SMYD3: variants seen among roughly 807,000 people sequenced by gnomAD.
SMYD3 encodes histone-lysine N-methyltransferase SMYD3.
Under a neutral mutation model 57.7 loss-of-function variants are expected in SMYD3, and 36 were observed. The ratio of observed to expected loss-of-function variants is 0.62; its 90% CI spans 0.48 to 0.82. The LOEUF (loss-of-function observed/expected upper bound fraction) is 0.82, where lower values mean the gene tolerates loss of function less well. Among genes scored for constraint, SMYD3 ranks in the 40% least tolerant of loss-of-function variants. The pLI, the probability that SMYD3 is intolerant of heterozygous loss-of-function variation, is 0.00. For synonymous variants in SMYD3, 211 were observed against 195.0 expected (o/e 1.08, Z -0.68); for missense variants, 515 against 538.8 (o/e 0.96, Z 0.44).
chr1:246,294,337 A>G (rs2064753702), intron 5 of SMYD3, among the ~76,000 whole-genome samples: 1 of 152,196 alleles, frequency 6.6e-6, no homozygotes, highest in South Asian at 2.1e-4. Flanking sequence ...TAGCTTTAGC[A>G]AATTCTAATT....
intron 5 of SMYD3, among the ~76,000 whole-genome samples, chr1:246,120,315 C>A (rs2061406319): frequency 6.6e-6 from 1 of 152,028 alleles, no homozygotes; most frequent in South Asian, 2.1e-4. Context: ...TGTCCGGAAC[C>A]CCATCACTTA....
chr1:246,417,819 A>G (rs2102993689), intron 1 of SMYD3, among the ~76,000 whole-genome samples: 1 of 152,262 alleles, frequency 6.6e-6, no homozygotes, highest in East Asian at 1.9e-4. Flanking sequence ...TAGTTTTACA[A>G]ATGCAGTTTC....
At chr1:245,915,882 T>A (rs2055376111) in intron 7 of SMYD3, among the ~76,000 whole-genome samples, 1 of 152,324 alleles carries the variant, frequency 6.6e-6, no homozygotes, top group East Asian at 1.9e-4. Flanking sequence ...AAAGAACGGG[T>A]CTTATGATCT....
intron 5 of SMYD3, among the ~76,000 whole-genome samples, chr1:245,947,237 G>A (rs899211925): frequency 6.6e-6 from 1 of 152,200 alleles, no homozygotes; most frequent in African/African-American, 2.4e-5. Context: ...CCTAAGGCAG[G>A]CTGCAAAGAT....
chr1:246,444,271 A>G (rs557353884), intron 1 of SMYD3, among the ~76,000 whole-genome samples: 15 of 147,680 alleles, frequency 1.0e-4, no homozygotes, highest in East Asian at 9.7e-4. Flanking sequence ...GATTACAGGC[A>G]TGTGCCACCA....
intron 8 of SMYD3, among the ~76,000 whole-genome samples, chr1:245,913,810 G>A (rs1490373624): frequency 1.3e-5 from 2 of 151,888 alleles, no homozygotes; most frequent in Non-Finnish European, 2.9e-5. Context: ...TTCAAAAGAG[G>A]GCAAAGGATC....
intron 1 of SMYD3, among the ~76,000 whole-genome samples, chr1:246,406,526 G>A (rs1424829126): frequency 6.6e-6 from 1 of 152,128 alleles, no homozygotes; most frequent in Non-Finnish European, 1.5e-5. Flanking sequence ...CCTTTAAAAA[G>A]CTTGTCCTTG....
chr1:246,499,303 C>CA (rs1286768062), intron 1 of SMYD3, among the ~76,000 whole-genome samples: 2 of 150,868 alleles, frequency 1.3e-5, no homozygotes, highest in Non-Finnish European at 3.0e-5. Context: ...GACTCTATCT[C>CA]AAAAAAAGAA....
intron 1 of SMYD3, among the ~76,000 whole-genome samples, chr1:246,368,892 G>A (rs543884791): frequency 3.3e-5 from 5 of 152,210 alleles, no homozygotes; most frequent in South Asian, 2.1e-4. Context: ...TTGCTCCTCC[G>A]CCTGCAGATG....
chr1:246,135,170 T>C (rs907968174), intron 5 of SMYD3, among the ~76,000 whole-genome samples: 2 of 152,134 alleles, frequency 1.3e-5, no homozygotes, highest in African/African-American at 4.8e-5. Context: ...GATTCAGTCA[T>C]CTACCTGAAA....
chr1:246,033,270 T>C (rs1014380592), intron 5 of SMYD3, among the ~76,000 whole-genome samples: 11 of 152,112 alleles, frequency 7.2e-5, no homozygotes, highest in Non-Finnish European at 1.5e-4. Context: ...TGGAGAGTTA[T>C]TATCCTAAGT....
intron 7 of SMYD3, among the ~76,000 whole-genome samples, chr1:245,926,854 C>A (rs541434303): frequency 2.0e-4 from 30 of 152,056 alleles, no homozygotes; most frequent in Non-Finnish European, 4.4e-4. Flanking sequence ...AAGTCCTTTG[C>A]GGCCCCAGAA....
chr1:246,101,063 G>GTTT lies in SMYD3; in HGVS notation c.532-171127_532-171126insAAA, dbSNP rs1558228762. ...ATCACTAGTAATATGTATTTTTAGGGGTTTTTTGTTTTTTTTTTTTTTTTT... is the reference window on the plus strand; with the variant it reads ...ATCACTAGTAATATGTATTTTTAGGGTTTGTTTTTTGTTTTTTTTTTTTTTTTT... On this transcript the variant is annotated intron_variant, in intron 5 of 11. Coordinates refer to ENST00000490107, the MANE Select transcript of SMYD3 (RefSeq NM_001167740.2). Among the ~76,000 whole-genome samples the GTTT allele has an allele frequency of 6.2e-4, 58 of 92,986 alleles. 1 individual carries two copies. The highest frequency in any genetic ancestry group is 9.5e-4 in the Non-Finnish European group (37 of 39,064). The allele number at this position is 92,986 out of a possible 152,430, so 61.0% of individuals were successfully genotyped here.
chr1:246,043,007 CA>C (rs2059903957), intron 5 of SMYD3, among the ~76,000 whole-genome samples: 1 of 152,224 alleles, frequency 6.6e-6, no homozygotes, highest in East Asian at 1.9e-4. Flanking sequence ...ACACAATTTC[CA>C]GAACACACTG....
intron 2 of SMYD3, among the ~76,000 whole-genome samples, chr1:246,353,126 A>C (rs2065858222): frequency 6.6e-6 from 1 of 152,226 alleles, no homozygotes; most frequent in Admixed American, 6.5e-5. Flanking sequence ...TGTTGGTAAC[A>C]ATCTTACATA....
At chr1:246,273,138 T>TTTTTA in intron 5 of SMYD3, among the ~76,000 whole-genome samples, 1 of 126,732 alleles carries the variant, frequency 7.9e-6, no homozygotes, top group East Asian at 2.3e-4. Flanking sequence ...CTGTTTTCTT[T>TTTTTA]TTTTTTTTTT....
intron 1 of SMYD3, among the ~76,000 whole-genome samples, chr1:246,479,081 C>T (rs2068068579): frequency 6.6e-6 from 1 of 151,612 alleles, no homozygotes; most frequent in African/African-American, 2.4e-5. Context: ...TGTCCTGGAG[C>T]TGGTACATAA....
intron 1 of SMYD3, among the ~76,000 whole-genome samples, chr1:246,409,726 G>C (rs559502009): frequency 1.5e-4 from 23 of 152,304 alleles, no homozygotes; most frequent in Admixed American, 1.4e-3. Context: ...GTCATTGGTA[G>C]CTTGATGGGG....
chr1:246,155,044 G>A (rs1159446469), intron 5 of SMYD3, among the ~76,000 whole-genome samples: 2 of 152,074 alleles, frequency 1.3e-5, no homozygotes, highest in Non-Finnish European at 2.9e-5. Flanking sequence ...GCCTCCCAAA[G>A]TGCTGGGATT....
Sources: gnomAD v4.1 joint callset for allele counts (sites outside exome capture counted in the v4.1 genomes callset) on GRCh38, gnomAD v4.1.1 for gene constraint, MANE v1.5 for transcripts, NCBI Gene and HGNC (gene_info 2026-07-23, HGNC 2026-07-21) for gene names.